SPATS2: variants seen among roughly 807,000 people sequenced by gnomAD.
SPATS2 encodes the protein spermatogenesis associated serine rich 2.
SPATS2 carries 38 observed loss-of-function variants against 63.7 expected under a neutral mutation model. That is an observed-to-expected ratio of 0.60 (90% CI 0.46 to 0.78). The LOEUF is 0.78. SPATS2 is among the 30% of genes least tolerant of loss of function. SPATS2 has a pLI of 0.00. For missense variants in SPATS2, 588 were observed against 666.2 expected (o/e 0.88, Z 1.29); for synonymous variants, 207 against 232.9 (o/e 0.89, Z 1.01).
intron 2 of SPATS2, among the ~76,000 whole-genome samples, chr12:49,385,517 C>G (rs1944299592): frequency 6.6e-6 from 1 of 152,054 alleles, no homozygotes; most frequent in Admixed American, 6.6e-5. Context: ...TAATTCACAT[C>G]AAATATGTCT....
intron 9 of SPATS2, among the ~76,000 whole-genome samples, chr12:49,507,633 G>A (rs915173638): frequency 7.2e-5 from 11 of 151,868 alleles, no homozygotes; most frequent in South Asian, 2.1e-4. Flanking sequence ...TATTTCCTGC[G>A]TTCCCTTGTG....
At chr12:49,514,246 T>G (rs936419403) in intron 9 of SPATS2, among the ~76,000 whole-genome samples, 5 of 151,854 alleles carry the variant, frequency 3.3e-5, no homozygotes, top group African/African-American at 1.2e-4. Flanking sequence ...CTAAAAAATG[T>G]GTTTTGTAGC....
chr12:49,387,446 G>A (rs917724349), intron 2 of SPATS2, among the ~76,000 whole-genome samples: 3 of 151,836 alleles, frequency 2.0e-5, no homozygotes, highest in African/African-American at 7.3e-5. Flanking sequence ...GGACCAGCCC[G>A]ACCAACTTGG....
At chr12:49,516,227 T>C (rs1946849105) in intron 10 of SPATS2, among the ~76,000 whole-genome samples, 1 of 122,384 alleles carries the variant, frequency 8.2e-6, no homozygotes, top group African/African-American at 2.9e-5. Context: ...CATGGGGTCA[T>C]GTGCTACATG....
In SPATS2 at chr12:49,484,596, C is replaced by G. The variant is rs865910285; in HGVS notation, c.32C>G (p.Ser11Ter). MSRKQNQKDS[S>*]GFIFDLQSNT... ...TTTTCCCTTATTCTTTCAGATTCAT[C>G]AGGATTCATTTTTGATTTGCAGTCC... Residue 11 changes from serine (S) to a stop codon, truncating the protein, a stop_gained, in exon 4 of 14, where the codon TCA becomes TGA. Transcript: ENST00000552918. LOFTEE classifies it high-confidence loss of function. The G allele has an allele frequency of 6.2e-7, 1 of 1,613,708 alleles. No homozygotes were observed.
chr12:49,516,158 AAAAAAAAAATATATAT>A (rs1280220443), intron 10 of SPATS2, among the ~76,000 whole-genome samples: 1,024 of 36,790 alleles, frequency 0.028, 159 homozygotes, highest in African/African-American at 0.14. Flanking sequence ...AAAAAAAAAA[AAAAAAAAAATATATAT>A]ATATATATAT....
intron 3 of SPATS2, among the ~76,000 whole-genome samples, chr12:49,477,687 C>T (rs1179861197): frequency 1.3e-5 from 2 of 152,150 alleles, no homozygotes; most frequent in African/African-American, 4.8e-5. Flanking sequence ...CAAAAGGCTA[C>T]AATAGCACAC....
intron 12 of SPATS2, 32 bp from the exon 13 acceptor site, chr12:49,524,650 A>G (rs2138102865): frequency 6.2e-7 from 1 of 1,602,700 alleles, no homozygotes; most frequent in Non-Finnish European, 8.5e-7. Context: ...GTTCTATCAT[A>G]TGATCATATA....
Position 49,403,594 on chromosome 12 carries a change from TACACACACACACAC to T in SPATS2, c.-244+32338_-244+32351del, listed in dbSNP as rs5798102. ...AGTGAGCCGAGATCATGCCACTGTC[TACACACACACACAC>T]ACACACACACACACACACACACACA... is the stretch of plus-strand genomic sequence containing the variant. On this transcript the variant is annotated intron_variant, in intron 2 of 13. Coordinates refer to ENST00000552918, the MANE Select transcript of SPATS2 (RefSeq NM_023071.4). Among the ~76,000 whole-genome samples, 289 of 128,488 alleles carry T rather than the reference TACACACACACACAC, an allele frequency of 2.2e-3. 2 individuals are homozygous for T. The Middle Eastern group carries it at 0.029, about 13-fold the overall frequency. The allele number at this position is 128,488 out of a possible 152,430, so 84.3% of individuals were successfully genotyped here.
At chr12:49,374,074 C>T (rs1944049571) in intron 2 of SPATS2, among the ~76,000 whole-genome samples, 1 of 151,778 alleles carries the variant, frequency 6.6e-6, no homozygotes, top group South Asian at 2.1e-4. Flanking sequence ...CAACAGAGAC[C>T]CTGTCTCTAA....
intron 9 of SPATS2, among the ~76,000 whole-genome samples, chr12:49,511,513 A>C (rs1264158306): frequency 1.3e-5 from 2 of 152,154 alleles, no homozygotes; most frequent in African/African-American, 4.8e-5. Flanking sequence ...TTTCCATTCA[A>C]GAAAGCCTTG....
chr12:49,436,432 C>T (rs1305514475), intron 2 of SPATS2, among the ~76,000 whole-genome samples: 1 of 125,932 alleles, frequency 7.9e-6, no homozygotes, highest in Non-Finnish European at 1.7e-5. Context: ...GAGGGGGCGG[C>T]TGGCCGGGCA....
At chr12:49,452,866 G>T (rs60061689) in intron 2 of SPATS2, among the ~76,000 whole-genome samples, 1 of 151,486 alleles carries the variant, frequency 6.6e-6, no homozygotes, top group Non-Finnish European at 1.5e-5. Context: ...GTCCTTTAAA[G>T]AAATTTGGAG....
intron 3 of SPATS2, among the ~76,000 whole-genome samples, chr12:49,477,606 T>C (rs1318016905): frequency 1.3e-5 from 2 of 152,146 alleles, no homozygotes; most frequent in African/African-American, 2.4e-5. Flanking sequence ...AGTTTGACCA[T>C]TGGCAACAAA....
intron 2 of SPATS2, among the ~76,000 whole-genome samples, chr12:49,431,779 T>G (rs1193762026): frequency 6.6e-6 from 1 of 152,158 alleles, no homozygotes; most frequent in Non-Finnish European, 1.5e-5. Context: ...ATGTTTGTAA[T>G]CCCAGCACTT....
intron 2 of SPATS2, among the ~76,000 whole-genome samples, chr12:49,436,302 C>A (rs530123322): frequency 8.1e-6 from 1 of 124,210 alleles, no homozygotes; most frequent in Non-Finnish European, 1.7e-5. Flanking sequence ...CCGGATGGGG[C>A]GGCTGGCCGG....
chr12:49,519,866 G>A (rs1453984125), intron 11 of SPATS2, among the ~76,000 whole-genome samples: 1 of 150,388 alleles, frequency 6.6e-6, no homozygotes, highest in Non-Finnish European at 1.5e-5. Context: ...AGGCTGGAGT[G>A]CAATGGCGTG....
chr12:49,384,800 C>A (rs921199019), intron 2 of SPATS2, among the ~76,000 whole-genome samples: 1 of 151,538 alleles, frequency 6.6e-6, no homozygotes, highest in African/African-American at 2.4e-5. Flanking sequence ...TTTGCTCATG[C>A]CAAAAATCTT....
Position 49,389,559 on chromosome 12 carries a change from T to C in SPATS2, c.-244+18269T>C. ...AAGGCACTTGCTGATGCTAAAACTC[T>C]TGTTGAAAGATTAAGAGATCACGAC... On this transcript the variant is annotated intron_variant, in intron 2 of 13. Coordinates refer to ENST00000552918, the MANE Select transcript of SPATS2 (RefSeq NM_023071.4). 3 of 1,008,584 alleles carry C rather than the reference T, an allele frequency of 3.0e-6. No individual in the cohort carries two copies. In the South Asian group the frequency reaches 3.8e-5, roughly 13 times the overall value. 62.5% of individuals were successfully genotyped at this position (1,008,584 alleles called of 1,614,324 possible).
Sources: allele counts gnomAD v4.1 joint callset (sites outside exome capture counted in the v4.1 genomes callset), GRCh38; gene constraint gnomAD v4.1.1; transcripts MANE v1.5; gene names NCBI Gene and HGNC (gene_info 2026-07-23, HGNC 2026-07-21).